Variants in PIEZO2 observed in about 807,000 individuals in gnomAD.
PIEZO2 encodes the protein piezo-type mechanosensitive ion channel component 2.
A neutral mutation model predicts 337.3 loss-of-function variants in PIEZO2; 172 were observed. The observed-to-expected ratio is 0.51, with a 90% CI of 0.45 to 0.58. The LOEUF (loss-of-function observed/expected upper bound fraction) is 0.58, where lower values mean the gene tolerates loss of function less well. Ranked by LOEUF, PIEZO2 falls within the 20% of genes least tolerant of loss-of-function variation. PIEZO2 has a pLI of 0.00. For missense variants in PIEZO2, 3,028 were observed against 3,391.3 expected (o/e 0.89, Z 2.66); for synonymous variants, 1,251 against 1,228.5 (o/e 1.02, Z -0.38).
chr18:10,904,465 C>T (rs542705832), intron 4 of PIEZO2, among the ~76,000 whole-genome samples: 55 of 152,326 alleles, frequency 3.6e-4, no homozygotes, highest in African/African-American at 1.3e-3. Context: ...TTTCTTACGA[C>T]GGTCTTCTAT....
At position 10,724,974 on chromosome 18, in the gene PIEZO2, G is replaced by C; in HGVS notation, c.5029+6433C>G. The C allele has an allele frequency of 1.3e-6, 2 of 1,584,630 alleles. No homozygotes were observed. The highest frequency in any genetic ancestry group is 3.4e-5 in the Admixed American group (2 of 58,876). On this transcript the variant is annotated intron_variant, in intron 36 of 55. Coordinates refer to ENST00000674853, the MANE Select transcript of PIEZO2 (RefSeq NM_001378183.1). The surrounding 1 kb of genome is among the most constrained non-coding windows in gnomAD (Gnocchi z 5.8). ...GCACCCTGCGGCCTGCAGCCTCCCTGCCTCACATTACTAAGACTCAAAGCG... is the reference window on the plus strand; with the variant it reads ...GCACCCTGCGGCCTGCAGCCTCCCTCCCTCACATTACTAAGACTCAAAGCG...
At chr18:10,970,206 C>CCTGGCAGAGGA in intron 3 of PIEZO2, among the ~76,000 whole-genome samples, 1 of 152,150 alleles carries the variant, frequency 6.6e-6, no homozygotes, top group East Asian at 1.9e-4. Flanking sequence ...GAAGAATGGA[C>CCTGGCAGAGGA]CTGGCAGAGG....
chr18:11,066,245 G>A, intron 1 of PIEZO2, 23 bp from the exon 2 acceptor site: 3 of 1,515,196 alleles, frequency 2.0e-6, no homozygotes, highest in Non-Finnish European at 2.7e-6. Flanking sequence ...AGAGAGAAGA[G>A]AGTGAGAAGA....
intron 40 of PIEZO2, among the ~76,000 whole-genome samples, chr18:10,706,028 G>A (rs1405750365): frequency 6.6e-6 from 1 of 152,160 alleles, no homozygotes; most frequent in Non-Finnish European, 1.5e-5. Context: ...AACAAGTGTG[G>A]AGTATCTAGA....
intron 2 of PIEZO2, among the ~76,000 whole-genome samples, chr18:10,989,271 T>G (rs964792857): frequency 2.6e-5 from 4 of 151,922 alleles, no homozygotes; most frequent in African/African-American, 9.7e-5. Context: ...AAATCAGTTT[T>G]AAAAAGAAAA....
rs553200361 is a variant in PIEZO2, at chr18:10,903,018, C to T, written c.329+8168G>A. 6.6e-6 allele frequency among the ~76,000 whole-genome samples: 1 copy of T among 152,094 alleles called. No homozygotes were observed. Among genetic ancestry groups the T allele is most frequent in the African/African-American group, 2.4e-5 (1 of 41,400 alleles). On this transcript the variant is annotated intron_variant, in intron 4 of 55. Transcript: ENST00000674853. The surrounding 1 kb of genome is among the most constrained non-coding windows in gnomAD (Gnocchi z 4.1). ...ACTGATGGGCAACAGGGCTTTTATCCCCAGCCTTTCCAGGCTGCCCCGGGG... is the reference window on the plus strand; with the variant it reads ...ACTGATGGGCAACAGGGCTTTTATCTCCAGCCTTTCCAGGCTGCCCCGGGG...
chr18:10,879,152 T>C (rs146243560), intron 4 of PIEZO2, among the ~76,000 whole-genome samples: 74 of 152,312 alleles, frequency 4.9e-4, no homozygotes, highest in African/African-American at 1.7e-3. Context: ...ACAGGGCATT[T>C]AACAATAAAT....
rs186352802 is a variant in PIEZO2, at chr18:11,001,967, G to A, written c.161-22307C>T. On this transcript the variant is annotated intron_variant, in intron 2 of 55. Transcript: ENST00000674853. The surrounding 1 kb of genome is among the most constrained non-coding windows in gnomAD (Gnocchi z 5.3). ...GAAGGAAGAAAAAAAGACTTGGAAG[G>A]AGCCAAAACTTGCAGCAAAGTTGGA... Among the ~76,000 whole-genome samples, 1 of 146,412 alleles carries A rather than the reference G, an allele frequency of 6.8e-6. No individual in the cohort carries two copies. The highest frequency in any genetic ancestry group is 2.6e-5 in the African/African-American group (1 of 38,152).
At chr18:10,998,324 A>G (rs1488047143) in intron 2 of PIEZO2, among the ~76,000 whole-genome samples, 1 of 149,256 alleles carries the variant, frequency 6.7e-6, no homozygotes, top group Admixed American at 6.7e-5. Flanking sequence ...AATGGATTAA[A>G]AAGATATTTG....
chr18:10,997,255 A>AAAAG (rs1012655844), intron 2 of PIEZO2, among the ~76,000 whole-genome samples: 2 of 151,900 alleles, frequency 1.3e-5, no homozygotes, highest in South Asian at 4.1e-4. Flanking sequence ...AAAAAAAAAA[A>AAAAG]AAAGAAAGAA....
At chr18:11,006,210 T>A (rs2035714737) in intron 2 of PIEZO2, among the ~76,000 whole-genome samples, 1 of 152,226 alleles carries the variant, frequency 6.6e-6, no homozygotes, top group Non-Finnish European at 1.5e-5. Context: ...TGTAATTATC[T>A]TTTTTTAATT....
Position 10,750,116 on chromosome 18 carries a change from G to A in PIEZO2, c.4239C>T (p.Ala1413=), listed in dbSNP as rs144035480. 515 of 1,536,750 alleles carry A rather than the reference G, an allele frequency of 3.4e-4. 2 individuals are homozygous for A. In the African/African-American group the frequency reaches 5.8e-3, roughly 17 times the overall value. ...SCWLIQAFSL[A]CTVKGYQMPA... ...GCATTTGATAGCCTTTGACTGTGCAGGCCAGGCTGAAAGCCTGGATCAACC... is the reference window on the plus strand; with the variant it reads ...GCATTTGATAGCCTTTGACTGTGCAAGCCAGGCTGAAAGCCTGGATCAACC... Residue 1413 remains alanine, a synonymous_variant, in exon 29 of 56, where the codon GCC becomes GCT. Transcript: ENST00000674853. The surrounding 1 kb of genome is among the most constrained non-coding windows in gnomAD (Gnocchi z 4.1).
intron 28 of PIEZO2, among the ~76,000 whole-genome samples, chr18:10,751,410 C>T (rs540516988): frequency 6.6e-6 from 1 of 152,342 alleles, no homozygotes; most frequent in Non-Finnish European, 1.5e-5. Flanking sequence ...CTGTCTCATG[C>T]TCTCTTCAAC....
At chr18:11,066,061 A>G (rs2038138197) in intron 2 of PIEZO2, 66 bp downstream of exon 2, 1 of 1,335,724 alleles carries the variant, frequency 7.5e-7, no homozygotes, top group African/African-American at 1.5e-5. Context: ...AGGCCATCCC[A>G]AGGAGCCCAG....
chr18:11,147,410 C>T (rs1257205962), intron 1 of PIEZO2, among the ~76,000 whole-genome samples: 1 of 152,186 alleles, frequency 6.6e-6, no homozygotes, highest in Non-Finnish European at 1.5e-5. Flanking sequence ...AAAACTCTCC[C>T]GGCAACTGTC....
rs1241433230 is a variant in PIEZO2, at chr18:10,795,531, C to G, written c.1528-529G>C. ...GCAGTTTAAAGTAGCAGTTGATGTA[C>G]AGAAAATGTCAAAAAGTAACCAAAG... is the stretch of plus-strand genomic sequence containing the variant. On this transcript the variant is annotated intron_variant, in intron 12 of 55. Coordinates refer to ENST00000674853, the MANE Select transcript of PIEZO2 (RefSeq NM_001378183.1). The surrounding 1 kb of genome is among the most constrained non-coding windows in gnomAD (Gnocchi z 4.4). 6.6e-6 allele frequency among the ~76,000 whole-genome samples: 1 copy of G among 152,018 alleles called. No individual in the cohort carries two copies. The highest frequency in any genetic ancestry group is 1.5e-5 in the Non-Finnish European group (1 of 67,998).
chr18:10,723,207 T>C (rs2036395172), intron 36 of PIEZO2, among the ~76,000 whole-genome samples: 1 of 152,060 alleles, frequency 6.6e-6, no homozygotes, highest in Non-Finnish European at 1.5e-5. Context: ...CCTCAGGTGA[T>C]CCGCCCACCT....
intron 1 of PIEZO2, among the ~76,000 whole-genome samples, chr18:11,067,363 G>A (rs953895217): frequency 2.6e-5 from 4 of 151,836 alleles, no homozygotes; most frequent in Non-Finnish European, 5.9e-5. Context: ...GCAATAAAAG[G>A]CAAATGTAAC....
intron 3 of PIEZO2, among the ~76,000 whole-genome samples, chr18:10,933,800 G>A (rs2032223454): frequency 6.6e-6 from 1 of 152,184 alleles, no homozygotes; most frequent in Non-Finnish European, 1.5e-5. Flanking sequence ...AGTCATGCAG[G>A]TGGATTCTCC....
Sources: gnomAD v4.1 joint callset for allele counts (sites outside exome capture counted in the v4.1 genomes callset) on GRCh38, gnomAD v4.1.1 for gene constraint, Gnocchi (gnomAD v3.1) non-coding constraint, MANE v1.5 for transcripts, NCBI Gene and HGNC (gene_info 2026-07-23, HGNC 2026-07-21) for gene names.